ANAPC4: variants seen among roughly 807,000 people sequenced by gnomAD.
The protein encoded by ANAPC4 is anaphase promoting complex subunit 4.
In ANAPC4, 63 loss-of-function variants were observed where a neutral mutation model predicts 119.8. The observed-to-expected ratio is 0.53, with a 90% CI of 0.43 to 0.65. The LOEUF is 0.65. Among genes scored for constraint, ANAPC4 ranks in the 30% least tolerant of loss-of-function variants. ANAPC4 has a pLI of 0.00. For synonymous variants in ANAPC4, 283 were observed against 318.6 expected, an observed-to-expected ratio of 0.89 and a Z score of 1.19; for missense variants, 716 against 945.1, an observed-to-expected ratio of 0.76 and a Z score of 3.18.
At chr4:25,413,493 A>T in intron 21 of ANAPC4, 152 bp from the exon 22 acceptor site, 1 of 543,090 alleles carries the variant, frequency 1.8e-6, no homozygotes, top group Non-Finnish European at 3.2e-6. Flanking sequence ...GTCGTTTTTA[A>T]TGAGGTTGTG....
intron 4 of ANAPC4, among the ~76,000 whole-genome samples, chr4:25,384,991 G>C (rs1042968109): frequency 6.6e-6 from 1 of 152,130 alleles, no homozygotes; most frequent in Non-Finnish European, 1.5e-5. Flanking sequence ...CTCAACAGTG[G>C]ATTAAAACAT....
chr4:25,381,104 G>A (rs1246448042), intron 3 of ANAPC4, among the ~76,000 whole-genome samples: 1 of 152,178 alleles, frequency 6.6e-6, no homozygotes, highest in Non-Finnish European at 1.5e-5. Context: ...GTAAAATGCT[G>A]TAAACCCTAC....
chr4:25,390,242 C>G lies in ANAPC4; in HGVS notation c.600+22C>G, dbSNP rs370173906. On this transcript the variant is annotated intron_variant, in intron 8 of 28. Transcript: ENST00000315368. ...AGGGGTAAGATTTCTTTAACATTTTCTCTTCCTAAATTATTTCTCTTAGAA... is the reference window on the plus strand; with the variant it reads ...AGGGGTAAGATTTCTTTAACATTTTGTCTTCCTAAATTATTTCTCTTAGAA... 12 of 1,542,956 alleles carry G rather than the reference C, an allele frequency of 7.8e-6. No individual in the cohort carries two copies. The African/African-American group carries it at 9.6e-5, about 12-fold the overall frequency.
rs1723958921 is a variant in ANAPC4, at chr4:25,417,626, C to T, written c.2086C>T (p.Gln696Ter). The change falls in exon 28 of 29, where the codon CAG becomes TAG. Residue 696 changes from glutamine to a stop codon, truncating the protein, a stop_gained. Transcript: ENST00000315368. LOFTEE classifies it high-confidence loss of function. ...TGTYSTRLDE[Q>*]CSAIPTRTMH... ...TTTTTCCCTCTTTAGGCTAGATGAA[C>T]AGTGTAGTGCTATTCCCACCCGTAC... is the stretch of plus-strand genomic sequence containing the variant. The T allele has an allele frequency of 6.3e-7, 1 of 1,593,786 alleles. No homozygotes were observed.
chr4:25,384,552 G>A (rs908082401), intron 4 of ANAPC4, among the ~76,000 whole-genome samples: 3 of 152,184 alleles, frequency 2.0e-5, no homozygotes, highest in African/African-American at 7.2e-5. Context: ...AGATGGCCAG[G>A]CACAGCAGCT....
intron 4 of ANAPC4, 126 bp downstream of exon 4, chr4:25,383,519 A>G (rs1268840336): frequency 1.1e-6 from 1 of 902,412 alleles, no homozygotes; most frequent in Non-Finnish European, 1.5e-6. Context: ...TCAGTTTATC[A>G]AGATGAAATT....
chr4:25,377,274 G>A lies in ANAPC4; in HGVS notation c.-81G>A. On this transcript the variant is annotated 5_prime_UTR_variant, in exon 1 of 29. Transcript: ENST00000315368. ...CGGGGCGGGGCGGCCTGGAGGCTGT[G>A]GCGCGCGGCCGGCAGAGGGAGGGGA... is the stretch of plus-strand genomic sequence containing the variant. The A allele has an allele frequency of 9.2e-7, 1 of 1,089,484 alleles. No individual in the cohort carries two copies. Among genetic ancestry groups the A allele is most frequent in the South Asian group, 1.7e-5 (1 of 59,068 alleles). The allele number at this position is 1,089,484 out of a possible 1,614,324, so 67.5% of individuals were successfully genotyped here. A position where few individuals can be genotyped will look rare whatever the true frequency, so the allele number is the denominator to read the frequency against.
intron 8 of ANAPC4, among the ~76,000 whole-genome samples, chr4:25,390,624 A>C (rs907959419): frequency 6.6e-6 from 1 of 152,194 alleles, no homozygotes; most frequent in Non-Finnish European, 1.5e-5. Context: ...TCAGACTCTT[A>C]CACTCGCAAA....
chr4:25,389,187 T>G (rs1577376320), intron 7 of ANAPC4, among the ~76,000 whole-genome samples: 1 of 139,076 alleles, frequency 7.2e-6, no homozygotes. Context: ...TGAGACGGAG[T>G]CTCGCTCTGT....
chr4:25,413,514 A>G (rs553262988), intron 21 of ANAPC4, 131 bp from the exon 22 acceptor site: 10 of 610,380 alleles, frequency 1.6e-5, no homozygotes, highest in East Asian at 1.2e-4. Context: ...TGAAAATCCA[A>G]TGAAGTGGTC....
At chr4:25,404,452 C>G (rs942670831) in intron 17 of ANAPC4, among the ~76,000 whole-genome samples, 19 of 152,050 alleles carry the variant, frequency 1.2e-4, no homozygotes, top group Admixed American at 9.2e-4. Flanking sequence ...ACTACACATT[C>G]TAACTGTAGT....
chr4:25,393,770 T>G (rs772778358), intron 10 of ANAPC4, 35 bp from the exon 11 acceptor site: 2 of 1,415,574 alleles, frequency 1.4e-6, no homozygotes. Context: ...GTTTAAATAT[T>G]TTTTACCATT....
chr4:25,403,500 G>A (rs1481000268), intron 17 of ANAPC4, among the ~76,000 whole-genome samples: 1 of 151,878 alleles, frequency 6.6e-6, no homozygotes, highest in Non-Finnish European at 1.5e-5. Flanking sequence ...AAAAATTTTT[G>A]TAAGTATCAG....
intron 4 of ANAPC4, among the ~76,000 whole-genome samples, 188 bp from the exon 5 acceptor site, chr4:25,388,312 C>A (rs1229798272): frequency 1.3e-5 from 2 of 151,688 alleles, no homozygotes; most frequent in African/African-American, 2.4e-5. Flanking sequence ...CCTAAAATAA[C>A]AGAAATTCCT....
intron 16 of ANAPC4, among the ~76,000 whole-genome samples, chr4:25,400,349 T>C (rs1433875220): frequency 6.6e-6 from 1 of 151,716 alleles, no homozygotes; most frequent in Non-Finnish European, 1.5e-5. Flanking sequence ...AGCTCATCAG[T>C]TGTAGGAGGA....
chr4:25,384,072 A>C (rs1321461673), intron 4 of ANAPC4, among the ~76,000 whole-genome samples: 1 of 152,258 alleles, frequency 6.6e-6, no homozygotes, highest in Non-Finnish European at 1.5e-5. Context: ...CTGCTGCTTT[A>C]TCAACTAAGT....
At chr4:25,414,239 G>T in intron 22 of ANAPC4, 85 bp from the exon 23 acceptor site, 2 of 963,254 alleles carry the variant, frequency 2.1e-6, no homozygotes, top group South Asian at 2.0e-5. Flanking sequence ...TACCACATTC[G>T]AACAGTGATG....
intron 20 of ANAPC4, 86 bp downstream of exon 20, chr4:25,407,339 A>G: frequency 1.0e-6 from 1 of 991,436 alleles, no homozygotes; most frequent in Non-Finnish European, 1.5e-6. Context: ...ATACCAAGTA[A>G]TACAGGATCT....
At chr4:25,393,112 C>G (rs978181322) in intron 10 of ANAPC4, among the ~76,000 whole-genome samples, 3 of 152,180 alleles carry the variant, frequency 2.0e-5, no homozygotes, top group African/African-American at 7.2e-5. Context: ...GTTTTTCATT[C>G]TACCACAGTC....
Sources: gnomAD v4.1 joint callset for allele counts (sites outside exome capture counted in the v4.1 genomes callset) on GRCh38, gnomAD v4.1.1 for gene constraint, MANE v1.5 for transcripts, NCBI Gene and HGNC (gene_info 2026-07-23, HGNC 2026-07-21) for gene names.